Variants in IFT80 observed in about 807,000 individuals in gnomAD.
IFT80 encodes the protein intraflagellar transport 80, also known as intraflagellar transport protein 80 homolog.
IFT80 carries 79 observed loss-of-function variants against 107.9 expected under a neutral mutation model. The ratio of observed to expected loss-of-function variants is 0.73; its 90% confidence interval spans 0.61 to 0.88. IFT80 has a LOEUF of 0.88. IFT80 is among the 40% of genes least tolerant of loss of function. The probability of loss-of-function intolerance (pLI) is 0.00; values close to 1 mark genes in which losing one functional copy is unlikely to be tolerated. For missense variants in IFT80, 797 were observed against 914.2 expected (o/e 0.87, Z 1.65); for synonymous variants, 299 against 300.9 (o/e 0.99, Z 0.07).
intron 8 of IFT80, among the ~76,000 whole-genome samples, chr3:160,341,924 C>A (rs938665595): frequency 6.6e-6 from 1 of 152,150 alleles, no homozygotes; most frequent in Non-Finnish European, 1.5e-5. Flanking sequence ...TTAATGGTTT[C>A]TTCTACTTGC....
chr3:160,354,008 ATTG>A (rs1720893174), intron 8 of IFT80, among the ~76,000 whole-genome samples: 1 of 152,182 alleles, frequency 6.6e-6, no homozygotes, highest in Admixed American at 6.5e-5. Context: ...TTATTAATAA[ATTG>A]TTGAGTATCT....
intron 12 of IFT80, among the ~76,000 whole-genome samples, chr3:160,296,217 T>C (rs1273346201): frequency 6.6e-6 from 1 of 152,200 alleles, no homozygotes; most frequent in African/African-American, 2.4e-5. Flanking sequence ...AAAAACTGCC[T>C]GGAAGCCACT....
intron 11 of IFT80, 95 bp from the exon 12 acceptor site, chr3:160,301,141 C>G: frequency 1.7e-6 from 2 of 1,143,320 alleles, no homozygotes; most frequent in Non-Finnish European, 2.4e-6. Flanking sequence ...GAAAAAAAAT[C>G]TAAATCTTAC....
intron 11 of IFT80, 74 bp from the exon 12 acceptor site, chr3:160,301,120 T>C (rs1716391736): frequency 7.5e-7 from 1 of 1,326,060 alleles, no homozygotes; most frequent in East Asian, 2.5e-5. Context: ...TACAGAATAG[T>C]TTATCCTTGG....
intron 8 of IFT80, among the ~76,000 whole-genome samples, chr3:160,352,422 C>T (rs1720779671): frequency 6.6e-6 from 1 of 152,246 alleles, no homozygotes; most frequent in South Asian, 2.1e-4. Context: ...TTATAGTTTG[C>T]TATTTCATCT....
Position 160,309,815 on chromosome 3 carries a change from C to T in IFT80, c.958-2034G>A, listed in dbSNP as rs1175700486. Among the ~76,000 whole-genome samples the T allele has an allele frequency of 2.0e-5, 3 of 151,658 alleles. No homozygotes were observed. In the East Asian group the frequency reaches 5.8e-4, roughly 29 times the overall value. On this transcript the variant is annotated intron_variant, in intron 9 of 19. Coordinates refer to ENST00000326448, the MANE Select transcript of IFT80 (RefSeq NM_020800.3). Reference sequence around the variant, plus strand: ...AAAACAAGAAATCTTAAACAGTATTCAGTAACATATTATTAGAATAATATT... The same window carrying T: ...AAAACAAGAAATCTTAAACAGTATTTAGTAACATATTATTAGAATAATATT...
At position 160,366,897 on chromosome 3, in the gene IFT80, T is replaced by A. The variant is rs1224723558; in HGVS notation, c.440-745A>T. ...TCATTCATTCTATTTTTGGTACCCA[T>A]TAACCACCCCACCTCCCTCACAACC... On this transcript the variant is annotated intron_variant, in intron 5 of 19. Transcript: ENST00000326448. Among the ~76,000 whole-genome samples the A allele has an allele frequency of 2.0e-5, 3 of 152,088 alleles. No homozygotes were observed. In the East Asian group the frequency reaches 5.8e-4, roughly 29 times the overall value.
At chr3:160,316,478 T>A (rs887959671) in intron 9 of IFT80, among the ~76,000 whole-genome samples, 1 of 152,172 alleles carries the variant, frequency 6.6e-6, no homozygotes, top group Admixed American at 6.5e-5. Flanking sequence ...TTGTTGCTGT[T>A]TAAGCCACTA....
chr3:160,263,650 T>C (rs1713042498), intron 19 of IFT80, among the ~76,000 whole-genome samples: 1 of 152,126 alleles, frequency 6.6e-6, no homozygotes, highest in East Asian at 1.9e-4. Flanking sequence ...GGAATCAGGA[T>C]TTTATTTTAT....
Position 160,384,102 on chromosome 3 carries a change from G to A in IFT80, c.37+462C>T, listed in dbSNP as rs1002771921. ...TCTACTAAAAATACAAAAATTAGCC[G>A]GGCATGTTGGCGGGTGCCTATAATC... On this transcript the variant is annotated intron_variant, in intron 2 of 19. Transcript: ENST00000326448. 60 of 236,520 alleles carry A rather than the reference G, an allele frequency of 2.5e-4. 1 individual carries two copies. The highest frequency in any genetic ancestry group is 1.5e-4 in the South Asian group (1 of 6,494). 14.7% of individuals were successfully genotyped at this position (236,520 alleles called of 1,614,324 possible).
chr3:160,357,172 T>C (rs1721154326), intron 7 of IFT80, among the ~76,000 whole-genome samples: 1 of 152,128 alleles, frequency 6.6e-6, no homozygotes, highest in Non-Finnish European at 1.5e-5. Flanking sequence ...CAATTATGGC[T>C]CACTGCAGCC....
chr3:160,366,691 G>T (rs1032069862), intron 5 of IFT80, among the ~76,000 whole-genome samples: 1 of 151,886 alleles, frequency 6.6e-6, no homozygotes, highest in Non-Finnish European at 1.5e-5. Flanking sequence ...ATTTTTGTGG[G>T]TACACAGTAG....
intron 3 of IFT80, among the ~76,000 whole-genome samples, chr3:160,381,044 G>A (rs942920554): frequency 6.6e-6 from 1 of 151,778 alleles, no homozygotes; most frequent in South Asian, 2.1e-4. Flanking sequence ...AGACTAGCCT[G>A]GGCAACAAGA....
chr3:160,273,375 T>C (rs1457881788), intron 18 of IFT80, among the ~76,000 whole-genome samples: 1 of 150,986 alleles, frequency 6.6e-6, no homozygotes, highest in African/African-American at 2.5e-5. Context: ...GAGTGAAGAA[T>C]GGGTAGGAAA....
chr3:160,310,007 A>G (rs1348043523), intron 9 of IFT80, among the ~76,000 whole-genome samples: 2 of 152,140 alleles, frequency 1.3e-5, no homozygotes, highest in Non-Finnish European at 2.9e-5. Flanking sequence ...TCAAAAACAA[A>G]AGCATTTCTT....
chr3:160,307,754 C>A lies in IFT80; in HGVS notation c.985G>T (p.Asp329Tyr). The A allele has an allele frequency of 6.3e-7, 1 of 1,588,012 alleles. No individual in the cohort carries two copies. The highest frequency in any genetic ancestry group is 1.3e-5 in the African/African-American group (1 of 74,500). ...QVRNVLNDAV[D>Y]LLEFRDRVIK... is the part of the protein sequence containing the mutation. ...ACTCTATCACGGAATTCCAGTAAAT[C>A]CACTGCATCATTAAGAACATTACGA... The change falls in exon 10 of 20, where the codon GAT becomes TAT. Residue 329 changes from aspartate to tyrosine, a missense_variant. Physicochemically the swap from Asp to Tyr is radical, Grantham distance 160. Coordinates refer to ENST00000326448, the MANE Select transcript of IFT80 (RefSeq NM_020800.3).
chr3:160,262,924 G>C (rs909860194), intron 19 of IFT80, among the ~76,000 whole-genome samples: 3 of 152,088 alleles, frequency 2.0e-5, no homozygotes, highest in Non-Finnish European at 2.9e-5. Flanking sequence ...ACTATACCTA[G>C]ATGGTCAAGG....
intron 8 of IFT80, among the ~76,000 whole-genome samples, chr3:160,340,836 C>T (rs755960094): frequency 3.9e-5 from 6 of 152,202 alleles, no homozygotes; most frequent in Non-Finnish European, 8.8e-5. Flanking sequence ...TTAGGTAACA[C>T]ATTCACAGGT....
chr3:160,258,276 C>T lies in IFT80; in HGVS notation c.*249G>A. The T allele has an allele frequency of 1.9e-6, 1 of 512,974 alleles. No homozygotes were observed. Among genetic ancestry groups the T allele is most frequent in the Non-Finnish European group, 3.4e-6 (1 of 289,988 alleles). The allele number at this position is 512,974 out of a possible 1,614,324, so 31.8% of individuals were successfully genotyped here. Reference sequence around the variant, plus strand: ...GGGCAAAAAACTGACATATAATCGACACTACACAGGTATCTCTTAAGTACA... The same window carrying T: ...GGGCAAAAAACTGACATATAATCGATACTACACAGGTATCTCTTAAGTACA... On this transcript the variant is annotated 3_prime_UTR_variant, in exon 20 of 20. Coordinates refer to ENST00000326448, the MANE Select transcript of IFT80 (RefSeq NM_020800.3).
Sources: gnomAD v4.1 joint callset for allele counts (sites outside exome capture counted in the v4.1 genomes callset) on GRCh38, gnomAD v4.1.1 for gene constraint, MANE v1.5 for transcripts, NCBI Gene and HGNC (gene_info 2026-07-23, HGNC 2026-07-21) for gene names.